The following GYPC variants were observed in gnomAD, a reference collection of about 807,000 sequenced individuals.
GYPC encodes the protein glycophorin C (Gerbich blood group), also known as glycophorin-C.
A neutral mutation model predicts 12.6 loss-of-function variants in GYPC; 14 were observed. The ratio of observed to expected loss-of-function variants is 1.11; its 90% CI spans 0.74 to 1.74. GYPC has a LOEUF of 1.74. Ranked by LOEUF, GYPC falls within the 40% of genes most tolerant of loss-of-function variation. The pLI, the probability that GYPC is intolerant of heterozygous loss-of-function variation, is 0.00. For missense variants in GYPC, 225 were observed against 172.1 expected, an observed-to-expected ratio of 1.31 and a Z score of -1.72; for synonymous variants, 78 against 62.1, an observed-to-expected ratio of 1.26 and a Z score of -1.20.
intron 1 of GYPC, 54 bp downstream of exon 1, chr2:126,656,366 G>T (rs1029456925): frequency 1.0e-5 from 15 of 1,475,690 alleles, no homozygotes; most frequent in Non-Finnish European, 1.4e-5. Context: ...GCCGCGGCCC[G>T]CAGCAGCCAG....
intron 1 of GYPC, chr2:126,686,638 C>A: frequency 2.0e-6 from 2 of 984,610 alleles, no homozygotes; most frequent in Non-Finnish European, 2.4e-6. Flanking sequence ...TGTGGAGCTT[C>A]CTGTCTGGTA....
chr2:126,666,315 C>A (rs906721314), intron 1 of GYPC, among the ~76,000 whole-genome samples: 3 of 152,232 alleles, frequency 2.0e-5, no homozygotes, highest in African/African-American at 7.2e-5. Flanking sequence ...GTGGAACCAC[C>A]CCTGGGCTGG....
intron 1 of GYPC, among the ~76,000 whole-genome samples, chr2:126,668,113 C>G (rs765213013): frequency 1.3e-4 from 20 of 152,298 alleles, no homozygotes; most frequent in Middle Eastern, 3.4e-3. Context: ...AGAAGGGGTT[C>G]TTCACCTGGG....
chr2:126,677,431 G>A (rs1683027311), intron 1 of GYPC, among the ~76,000 whole-genome samples: 1 of 140,418 alleles, frequency 7.1e-6, no homozygotes. Flanking sequence ...GAGAATGTGA[G>A]AGAGTAGGAG....
intron 1 of GYPC, among the ~76,000 whole-genome samples, chr2:126,656,768 TGCTC>T (rs1389207396): frequency 6.6e-6 from 1 of 152,214 alleles, no homozygotes; most frequent in Non-Finnish European, 1.5e-5. Flanking sequence ...CCCAGGGACT[TGCTC>T]GCTCCGCTGG....
At chr2:126,668,152 A>C (rs1682738619) in intron 1 of GYPC, among the ~76,000 whole-genome samples, 2 of 152,208 alleles carry the variant, frequency 1.3e-5, no homozygotes, top group African/African-American at 4.8e-5. Flanking sequence ...ACACACACAC[A>C]AAAGAGCGTC....
At position 126,663,960 on chromosome 2, in the gene GYPC, CTCTCT is replaced by C. The variant is rs1558879084; in HGVS notation, c.49+7649_49+7653del. ...CTCTCTAAGGTTCTGGTCTCTCTCT[CTCTCT>C]CTCTCTCTCTCTCTCTCTCTCTCTC... is the stretch of plus-strand genomic sequence containing the variant. On this transcript the variant is annotated intron_variant, in intron 1 of 3. Coordinates refer to ENST00000259254, the MANE Select transcript of GYPC (RefSeq NM_002101.5). Among the ~76,000 whole-genome samples the C allele has an allele frequency of 5.0e-3, 133 of 26,660 alleles. 1 individual carries two copies. Among genetic ancestry groups the C allele is most frequent in the African/African-American group, 0.012 (126 of 10,132 alleles). 17.5% of individuals were successfully genotyped at this position (26,660 alleles called of 152,430 possible).
intron 1 of GYPC, among the ~76,000 whole-genome samples, chr2:126,664,080 A>G (rs922050017): frequency 1.3e-5 from 2 of 151,768 alleles, no homozygotes; most frequent in African/African-American, 2.4e-5. Flanking sequence ...TTGCTTGATC[A>G]TGCCCTGGAT....
chr2:126,667,981 A>G (rs760234135), intron 1 of GYPC, among the ~76,000 whole-genome samples: 11 of 152,166 alleles, frequency 7.2e-5, no homozygotes, highest in Non-Finnish European at 1.5e-5. Flanking sequence ...AGAAAACAGA[A>G]TAAGTCAAAA....
intron 3 of GYPC, 38 bp from the exon 4 acceptor site, chr2:126,695,908 T>C: frequency 6.4e-7 from 1 of 1,574,176 alleles, no homozygotes; most frequent in Non-Finnish European, 8.7e-7. Context: ...CCAGAGCCCC[T>C]GCCTCAGACT....
At position 126,656,315 on chromosome 2, in the gene GYPC, G is replaced by T; in HGVS notation, c.49+3G>T. The T allele has an allele frequency of 6.3e-7, 1 of 1,578,500 alleles. No homozygotes were observed. The highest frequency in any genetic ancestry group is 8.6e-7 in the Non-Finnish European group (1 of 1,163,634). The stretch of plus-strand genomic sequence containing the variant: ...CACGGCGTGGCCTCTCAGCCTCGGT[G>T]AGTACCCGCCGTGGGGAAGGGTCCT... On this transcript the variant is annotated splice_donor_region_variant and intron_variant, in intron 1 of 3. Transcript: ENST00000259254.
chr2:126,679,173 G>A (rs774091914), intron 1 of GYPC, among the ~76,000 whole-genome samples: 1 of 152,288 alleles, frequency 6.6e-6, no homozygotes. Context: ...CAGGTACCTC[G>A]AAGGGCACCC....
chr2:126,695,968 C>T lies in GYPC; in HGVS notation c.213C>T (p.Ile71=), dbSNP rs138310921. The T allele has an allele frequency of 1.6e-5, 26 of 1,613,916 alleles. No homozygotes were observed. The highest frequency in any genetic ancestry group is 4.0e-5 in the African/African-American group (3 of 74,928). The change falls in exon 4 of 4, where the codon ATC becomes ATT. Residue 71 remains isoleucine, a synonymous_variant. Transcript: ENST00000259254. ...VIAGVIAAVA[I]VLVSLLFVML... is the part of the protein sequence containing the mutation. ...CAGGTGTGATTGCTGCTGTGGCCAT[C>T]GTCCTAGTCTCCCTCCTCTTCGTCA... is the stretch of plus-strand genomic sequence containing the variant.
At chr2:126,666,116 C>T (rs1682670573) in intron 1 of GYPC, among the ~76,000 whole-genome samples, 1 of 152,206 alleles carries the variant, frequency 6.6e-6, no homozygotes, top group African/African-American at 2.4e-5. Context: ...CCACCTGTGT[C>T]CCAGCAGCTG....
At chr2:126,682,956 G>A (rs918187876) in intron 1 of GYPC, among the ~76,000 whole-genome samples, 1 of 152,224 alleles carries the variant, frequency 6.6e-6, no homozygotes, top group Non-Finnish European at 1.5e-5. Flanking sequence ...CCGGCAGGGT[G>A]TGTCTGCTGG....
chr2:126,657,609 C>A (rs1682401320), intron 1 of GYPC: 1 of 152,068 alleles, frequency 6.6e-6, no homozygotes, highest in African/African-American at 2.4e-5. Flanking sequence ...TACGGCAGGT[C>A]CTGGGTTAAA....
intron 1 of GYPC, among the ~76,000 whole-genome samples, chr2:126,663,663 C>A (rs1052899812): frequency 6.6e-6 from 1 of 152,200 alleles, no homozygotes; most frequent in Non-Finnish European, 1.5e-5. Flanking sequence ...TGTAGGCAAA[C>A]AAGGTCTGCA....
intron 1 of GYPC, among the ~76,000 whole-genome samples, chr2:126,682,609 T>G (rs1245939520): frequency 6.6e-6 from 1 of 152,150 alleles, no homozygotes; most frequent in Non-Finnish European, 1.5e-5. Flanking sequence ...ACTTCCGCTG[T>G]GAAGATCCCT....
chr2:126,671,236 C>A (rs572939535), intron 1 of GYPC, among the ~76,000 whole-genome samples: 1 of 152,206 alleles, frequency 6.6e-6, no homozygotes, highest in Non-Finnish European at 1.5e-5. Flanking sequence ...TGCCCTCCTC[C>A]TACCTCCTCT....
Sources: allele counts gnomAD v4.1 joint callset (sites outside exome capture counted in the v4.1 genomes callset), GRCh38; gene constraint gnomAD v4.1.1; transcripts MANE v1.5; gene names NCBI Gene and HGNC (gene_info 2026-07-23, HGNC 2026-07-21).